BSN: variants seen among roughly 807,000 people sequenced by gnomAD.
BSN encodes the protein protein bassoon.
Under a neutral mutation model 264.8 loss-of-function variants are expected in BSN, and 57 were observed. The observed-to-expected ratio is 0.22, with a 90% CI of 0.17 to 0.27. The LOEUF (loss-of-function observed/expected upper bound fraction) is 0.27, where lower values mean the gene tolerates loss of function less well. Ranked by LOEUF, BSN falls within the 10% of genes least tolerant of loss-of-function variation. BSN has a pLI of 1.00. For synonymous variants in BSN, 2,059 were observed against 2,137.3 expected, an observed-to-expected ratio of 0.96 and a Z score of 1.01; for missense variants, 4,615 against 5,232.5, an observed-to-expected ratio of 0.88 and a Z score of 3.64.
rs138990777 is a variant in BSN at position 49,661,298 on chromosome 3, C to T, written c.9453C>T (p.Ala3151=). 136 of 1,613,906 alleles carry T rather than the reference C, an allele frequency of 8.4e-5. 1 individual carries two copies. In the African/African-American group the frequency reaches 1.3e-3, roughly 16 times the overall value. ...AGAAGCCACGCCAGACATCGCTAGCCGACTTGGAGCAGAAGGTGCCCACCA... is the reference window on the plus strand; with the variant it reads ...AGAAGCCACGCCAGACATCGCTAGCTGACTTGGAGCAGAAGGTGCCCACCA... ...PLQKPRQTSL[A]DLEQKVPTNY... Residue 3151 remains alanine (A), a synonymous_variant, in exon 6 of 12, where the codon GCC becomes GCT. Transcript: ENST00000296452.
chr3:49,603,054 G>T (rs1490576030), intron 1 of BSN, among the ~76,000 whole-genome samples: 1 of 152,058 alleles, frequency 6.6e-6, no homozygotes. Flanking sequence ...GACCCACTTG[G>T]CCATACCTGC....
At chr3:49,618,575 A>T (rs2052279492) in intron 1 of BSN, among the ~76,000 whole-genome samples, 1 of 152,212 alleles carries the variant, frequency 6.6e-6, no homozygotes, top group African/African-American at 2.4e-5. Flanking sequence ...CTATCACACG[A>T]TTGCTGGGAG....
chr3:49,607,257 A>G (rs925741286), intron 1 of BSN, among the ~76,000 whole-genome samples: 7 of 152,132 alleles, frequency 4.6e-5, no homozygotes, highest in Admixed American at 4.6e-4. Context: ...CAAGCCAGGG[A>G]AGGAAGAAAG....
chr3:49,611,119 T>G (rs1450017431), intron 1 of BSN, among the ~76,000 whole-genome samples: 1 of 152,190 alleles, frequency 6.6e-6, no homozygotes, highest in Non-Finnish European at 1.5e-5. Context: ...CTGCCCTGTT[T>G]GGGGCAGGAC....
intron 1 of BSN, among the ~76,000 whole-genome samples, chr3:49,581,337 T>TC (rs1166215480): frequency 2.0e-5 from 3 of 152,158 alleles, no homozygotes; most frequent in African/African-American, 7.2e-5. Context: ...ACTCCAGTAG[T>TC]CCCCCCTTAT....
chr3:49,571,529 C>T (rs1471403776), intron 1 of BSN, among the ~76,000 whole-genome samples: 3 of 152,040 alleles, frequency 2.0e-5, no homozygotes, highest in African/African-American at 4.8e-5. Context: ...CAGAAGAGCC[C>T]AGGACTCATA....
chr3:49,605,497 A>G (rs2052114235), intron 1 of BSN, among the ~76,000 whole-genome samples: 5 of 8,270 alleles, frequency 6.0e-4, no homozygotes, highest in African/African-American at 2.5e-3. Flanking sequence ...TATATTATAT[A>G]TAATATATAT....
chr3:49,570,168 C>A (rs2051784737), intron 1 of BSN, among the ~76,000 whole-genome samples: 1 of 152,144 alleles, frequency 6.6e-6, no homozygotes, highest in Non-Finnish European at 1.5e-5. Flanking sequence ...GCACTTTTTG[C>A]AAATGATGGT....
intron 1 of BSN, among the ~76,000 whole-genome samples, chr3:49,615,535 C>T (rs1453508920): frequency 2.0e-5 from 3 of 152,162 alleles, no homozygotes; most frequent in Non-Finnish European, 4.4e-5. Flanking sequence ...CTGCCTATGG[C>T]ATGACCTCTC....
At chr3:49,629,748 G>T (rs552248635) in intron 2 of BSN, among the ~76,000 whole-genome samples, 1 of 152,360 alleles carries the variant, frequency 6.6e-6, no homozygotes, top group South Asian at 2.1e-4. Flanking sequence ...GAGCAGCAGG[G>T]CTGCCACCCC....
intron 1 of BSN, among the ~76,000 whole-genome samples, chr3:49,605,516 A>ATATATAATATATAATATATATTATATAT (rs1559602845): frequency 9.3e-4 from 1 of 1,078 alleles, no homozygotes; most frequent in Non-Finnish European, 1.4e-3. Context: ...ATTATATAAT[A>ATATATAATATATAATATATATTATATAT]TATATATAAT....
At chr3:49,644,002 C>A (rs76237755) in intron 3 of BSN, among the ~76,000 whole-genome samples, 2 of 152,200 alleles carry the variant, frequency 1.3e-5, no homozygotes, top group African/African-American at 4.8e-5. Flanking sequence ...ATTAGACCAG[C>A]CTGGGCCAGG....
intron 2 of BSN, among the ~76,000 whole-genome samples, chr3:49,634,564 G>A (rs2052407362): frequency 1.3e-5 from 2 of 152,102 alleles, no homozygotes; most frequent in Non-Finnish European, 2.9e-5. Context: ...GCTAAGTTTT[G>A]TATTTTTAGT....
chr3:49,652,023 C>T lies in BSN; in HGVS notation c.2467C>T (p.Leu823=), dbSNP rs1344962779. 1 of 1,611,854 alleles carries T rather than the reference C, an allele frequency of 6.2e-7. No individual in the cohort carries two copies. Among genetic ancestry groups the T allele is most frequent in the Middle Eastern group, 1.7e-4 (1 of 6,060 alleles). Reference sequence around the variant, plus strand: ...TGTGGAGGACAGCAGTGAGGGTGGCCTGTCCCCTCTTCCACCCCAGCCCCC... The same window carrying T: ...TGTGGAGGACAGCAGTGAGGGTGGCTTGTCCCCTCTTCCACCCCAGCCCCC... ...DYVEDSSEGG[L]SPLPPQPPAR... Residue 823 remains leucine (L), a synonymous_variant, in exon 5 of 12, where the codon CTG becomes TTG. Transcript: ENST00000296452.
At position 49,651,476 on chromosome 3, in the gene BSN, G is replaced by T; in HGVS notation, c.1987-67G>T. ...TTCCCCAGGGTCCTGGGATTGACAG[G>T]GAGGATTGGGTTCCCACCACGAGCT... On this transcript the variant is annotated intron_variant, in intron 4 of 11. Coordinates refer to ENST00000296452, the MANE Select transcript of BSN (RefSeq NM_003458.4). This position sits in a 1 kb window ranked among gnomAD's most constrained non-coding sequence, Gnocchi z 5.4. 6.7e-7 allele frequency: 1 copy of T among 1,481,832 alleles called. No homozygotes were observed. 91.8% of individuals were successfully genotyped at this position (1,481,832 alleles called of 1,614,324 possible).
intron 1 of BSN, among the ~76,000 whole-genome samples, chr3:49,622,000 T>C (rs1204235101): frequency 6.6e-6 from 1 of 152,036 alleles, no homozygotes; most frequent in African/African-American, 2.4e-5. Flanking sequence ...TTTTGTTGTT[T>C]AGGATGGGAG....
intron 1 of BSN, among the ~76,000 whole-genome samples, chr3:49,589,062 C>T (rs1229735474): frequency 6.6e-6 from 1 of 150,534 alleles, no homozygotes; most frequent in Admixed American, 6.7e-5. Context: ...CTACAGGCGC[C>T]TGCCACCACG....
At chr3:49,611,178 C>A (rs1297780715) in intron 1 of BSN, among the ~76,000 whole-genome samples, 4 of 152,152 alleles carry the variant, frequency 2.6e-5, no homozygotes, top group African/African-American at 9.7e-5. Context: ...TTGCAGTTTT[C>A]TCTTAGTTTG....
intron 1 of BSN, 58 bp downstream of exon 1, chr3:49,554,884 G>C (rs1350321447): frequency 9.9e-7 from 1 of 1,010,558 alleles, no homozygotes; most frequent in South Asian, 4.9e-5. Context: ...GCCGGGACCC[G>C]GGCCCAGGAT....
Sources: gnomAD v4.1 joint callset for allele counts (sites outside exome capture counted in the v4.1 genomes callset) on GRCh38, gnomAD v4.1.1 for gene constraint, Gnocchi (gnomAD v3.1) non-coding constraint, MANE v1.5 for transcripts, NCBI Gene and HGNC (gene_info 2026-07-23, HGNC 2026-07-21) for gene names.